The following TCERG1L variants were observed in gnomAD, a reference collection of about 807,000 sequenced individuals.
TCERG1L encodes the protein transcription elongation regulator 1-like protein.
A neutral mutation model predicts 56.3 loss-of-function variants in TCERG1L; 37 were observed. That is an observed-to-expected ratio of 0.66 (90% confidence interval 0.51 to 0.87). The LOEUF is 0.87. TCERG1L is among the 40% of genes least tolerant of loss of function. TCERG1L has a pLI of 0.00. For synonymous variants in TCERG1L, 324 were observed against 326.3 expected, an observed-to-expected ratio of 0.99 and a Z score of 0.08; for missense variants, 799 against 774.2, an observed-to-expected ratio of 1.03 and a Z score of -0.38.
intron 3 of TCERG1L, among the ~76,000 whole-genome samples, chr10:131,274,874 T>C (rs529790764): frequency 6.6e-6 from 1 of 152,300 alleles, no homozygotes; most frequent in East Asian, 1.9e-4. Context: ...CCATCCACAA[T>C]CCCAGTTCTG....
chr10:131,113,640 C>G lies in TCERG1L; in HGVS notation c.1395+3159G>C, dbSNP rs1435497650. On this transcript the variant is annotated intron_variant, in intron 9 of 11. Transcript: ENST00000368642. ...CTCCATTGCAGACGTGGTACCAGGG[C>G]TCTCCTGTGTAGCCCACCACAGTGC... Among the ~76,000 whole-genome samples the G allele has an allele frequency of 2.1e-5, 3 of 141,974 alleles. 1 individual carries two copies. The East Asian group carries it at 7.2e-4, about 34-fold the overall frequency. The allele number at this position is 141,974 out of a possible 152,430, so 93.1% of individuals were successfully genotyped here.
At chr10:131,132,289 A>T (rs1021947595) in intron 8 of TCERG1L, among the ~76,000 whole-genome samples, 2 of 152,236 alleles carry the variant, frequency 1.3e-5, no homozygotes, top group Non-Finnish European at 2.9e-5. Flanking sequence ...CTCCCACGGA[A>T]TCTTCAAGGC....
intron 3 of TCERG1L, among the ~76,000 whole-genome samples, chr10:131,283,602 C>T (rs1480578924): frequency 3.9e-5 from 6 of 151,990 alleles, no homozygotes; most frequent in African/African-American, 1.2e-4. Flanking sequence ...ATAAAATATA[C>T]TAATTGTATA....
intron 4 of TCERG1L, 111 bp from the exon 5 acceptor site, chr10:131,166,996 A>G: frequency 1.1e-6 from 1 of 871,240 alleles, no homozygotes; most frequent in East Asian, 2.7e-5. Context: ...GTCAGTAGAC[A>G]CTGTGCATTC....
chr10:131,102,747 G>A (rs1193691591), intron 10 of TCERG1L, among the ~76,000 whole-genome samples: 4 of 152,128 alleles, frequency 2.6e-5, no homozygotes, highest in African/African-American at 9.7e-5. Flanking sequence ...TCTAACTGGG[G>A]CAGGGAAGTC....
At chr10:131,173,471 A>G (rs1333238109) in intron 4 of TCERG1L, among the ~76,000 whole-genome samples, 1 of 152,226 alleles carries the variant, frequency 6.6e-6, no homozygotes, top group Non-Finnish European at 1.5e-5. Context: ...GGCCCGTTGT[A>G]TATGGTCCTG....
intron 3 of TCERG1L, among the ~76,000 whole-genome samples, chr10:131,263,690 T>C (rs1846255210): frequency 6.6e-6 from 1 of 152,238 alleles, no homozygotes. Context: ...TCTGTATTTA[T>C]TGCTATGCAG....
At chr10:131,284,139 A>G (rs1049648421) in intron 3 of TCERG1L, among the ~76,000 whole-genome samples, 3 of 151,726 alleles carry the variant, frequency 2.0e-5, no homozygotes, top group East Asian at 1.9e-4. Context: ...AAAAAAAAAA[A>G]AAAAGAAAAG....
chr10:131,243,893 A>G (rs1845999864), intron 4 of TCERG1L, among the ~76,000 whole-genome samples: 1 of 152,246 alleles, frequency 6.6e-6, no homozygotes, highest in Admixed American at 6.5e-5. Flanking sequence ...AACTGAGCCC[A>G]GCTCAAATTG....
chr10:131,271,248 G>A (rs1335402338), intron 3 of TCERG1L, among the ~76,000 whole-genome samples: 3 of 152,208 alleles, frequency 2.0e-5, no homozygotes, highest in Non-Finnish European at 2.9e-5. Flanking sequence ...GTGGGAGCCC[G>A]GTGCAGTGGC....
At position 131,111,647 on chromosome 10, in the gene TCERG1L, G is replaced by T. The variant is rs1845414469; in HGVS notation, c.1395+5152C>A. 1.4e-5 allele frequency among the ~76,000 whole-genome samples: 2 copies of T among 142,626 alleles called. 1 individual carries two copies. Among genetic ancestry groups the T allele is most frequent in the Admixed American group, 1.4e-4 (2 of 14,524 alleles). The allele number at this position is 142,626 out of a possible 152,430, so 93.6% of individuals were successfully genotyped here. ...CCTGCAGCTGGACCTTTGAAATACG[G>T]TCACGATTTCCTCGCACAGCCTGAC... On this transcript the variant is annotated intron_variant, in intron 9 of 11. Transcript: ENST00000368642.
intron 8 of TCERG1L, among the ~76,000 whole-genome samples, chr10:131,117,800 C>T (rs140840064): frequency 1.1e-4 from 17 of 152,320 alleles, no homozygotes; most frequent in African/African-American, 3.6e-4. Flanking sequence ...TTTAACTGCA[C>T]GTGGATAGAT....
chr10:131,133,375 T>C (rs1266162869), intron 8 of TCERG1L, among the ~76,000 whole-genome samples: 2 of 152,248 alleles, frequency 1.3e-5, no homozygotes, highest in Non-Finnish European at 2.9e-5. Context: ...CTGAGATTCC[T>C]GACCACTTCA....
At chr10:131,098,166 T>C (rs1416903218) in intron 11 of TCERG1L, 140 bp downstream of exon 11, 2 of 843,848 alleles carry the variant, frequency 2.4e-6, no homozygotes, top group South Asian at 3.2e-5. Flanking sequence ...CTGGTCTCAC[T>C]GGCAGGTCTT....
rs745896767 is a variant in TCERG1L at position 131,166,783 on chromosome 10, G to A, written c.945+14C>T. On this transcript the variant is annotated intron_variant, in intron 5 of 11. Transcript: ENST00000368642. ...TTTTGTGTCTTTAACACACACACGA[G>A]CCCCGAAACTGACCTTGTCTTCTTT... 3.7e-6 allele frequency: 6 copies of A among 1,613,572 alleles called. No individual in the cohort carries two copies.
At chr10:131,285,537 G>GT (rs1846527061) in intron 3 of TCERG1L, among the ~76,000 whole-genome samples, 1 of 116,814 alleles carries the variant, frequency 8.6e-6, no homozygotes, top group African/African-American at 3.5e-5. Context: ...AGAAAGAAAA[G>GT]AAAAGAAAGA....
chr10:131,154,462 G>C (rs1251365901), intron 6 of TCERG1L, among the ~76,000 whole-genome samples: 1 of 152,186 alleles, frequency 6.6e-6, no homozygotes, highest in East Asian at 1.9e-4. Flanking sequence ...CCTGGGGATG[G>C]ACAAAGCCAC....
chr10:131,176,782 A>C (rs1846158324), intron 4 of TCERG1L, among the ~76,000 whole-genome samples: 1 of 1,312 alleles, frequency 7.6e-4, no homozygotes, highest in African/African-American at 2.6e-3. Context: ...ACACATGGAC[A>C]CACAGAGATA....
At chr10:131,171,514 C>A (rs1427134621) in intron 4 of TCERG1L, among the ~76,000 whole-genome samples, 2 of 152,172 alleles carry the variant, frequency 1.3e-5, no homozygotes, top group African/African-American at 2.4e-5. Context: ...TGGCATATGC[C>A]ATGTAGTCAT....
Sources: gnomAD v4.1 joint callset for allele counts (sites outside exome capture counted in the v4.1 genomes callset) on GRCh38, gnomAD v4.1.1 for gene constraint, MANE v1.5 for transcripts, NCBI Gene and HGNC (gene_info 2026-07-23, HGNC 2026-07-21) for gene names.